SYT2: variants seen among roughly 807,000 people sequenced by gnomAD.
SYT2 encodes the protein synaptotagmin-2.
SYT2 carries 15 observed loss-of-function variants against 39.9 expected under a neutral mutation model. The ratio of observed to expected loss-of-function variants is 0.38; its 90% CI spans 0.25 to 0.58. The LOEUF (loss-of-function observed/expected upper bound fraction) is 0.58. Among genes scored for constraint, SYT2 ranks in the 20% least tolerant of loss-of-function variants. The pLI is 0.70. For synonymous variants in SYT2, 181 were observed against 204.5 expected, an observed-to-expected ratio of 0.89 and a Z score of 0.98; for missense variants, 389 against 530.3, an observed-to-expected ratio of 0.73 and a Z score of 2.62.
chr1:202,694,143 A>G (rs1382863021), intron 1 of SYT2, among the ~76,000 whole-genome samples: 1 of 152,208 alleles, frequency 6.6e-6, no homozygotes, highest in Non-Finnish European at 1.5e-5. Context: ...ACATTTCAAC[A>G]AGTGATTTGG....
chr1:202,602,380 T>G lies in SYT2; in HGVS notation c.631A>C (p.Lys211Gln), dbSNP rs1185421532. ...GTCACCCTTCCAGCCCTCAGCACCT[T>G]GAAGGTGAAGGTTTCATTGAAGGCA... ...NPAFNETFTF[K>Q]VPYQELGGKT... The change falls in exon 5 of 9, where the codon AAG becomes CAG. Residue 211 changes from lysine (K) to glutamine (Q), a missense_variant and splice_region_variant. Around this residue, in one of 4 missense-constraint regions of SYT2, gnomAD observed 280 missense variants for 335.6 expected, o/e 0.83. Coordinates refer to ENST00000367268, the MANE Select transcript of SYT2 (RefSeq NM_177402.5). 6.2e-7 allele frequency: 1 copy of G among 1,613,336 alleles called. No homozygotes were observed. Among genetic ancestry groups the G allele is most frequent in the Non-Finnish European group, 8.5e-7 (1 of 1,179,502 alleles).
intron 1 of SYT2, among the ~76,000 whole-genome samples, chr1:202,645,016 G>T (rs527775769): frequency 6.6e-6 from 1 of 152,182 alleles, no homozygotes; most frequent in Non-Finnish European, 1.5e-5. Flanking sequence ...CTCCTCCTGT[G>T]GGGGAGTGTG....
chr1:202,640,177 T>C (rs903996827), intron 1 of SYT2, among the ~76,000 whole-genome samples: 1 of 152,088 alleles, frequency 6.6e-6, no homozygotes, highest in African/African-American at 2.4e-5. Context: ...CAAGCTGACT[T>C]ATAGGACTGG....
At position 202,665,218 on chromosome 1, in the gene SYT2, A is replaced by G. The variant is rs190193524; in HGVS notation, c.-18+45040T>C. Among the ~76,000 whole-genome samples, 432 of 152,352 alleles carry G rather than the reference A, an allele frequency of 2.8e-3. 3 individuals are homozygous for G. Among genetic ancestry groups the G allele is most frequent in the African/African-American group, 0.01 (416 of 41,578 alleles). On this transcript the variant is annotated intron_variant, in intron 1 of 8. Transcript: ENST00000367268. ...TGAGGAGGAAAAGGGCAACAATGACAACAACAGAACAGTTTTTGCTGTCAC... is the reference window on the plus strand; with the variant it reads ...TGAGGAGGAAAAGGGCAACAATGACGACAACAGAACAGTTTTTGCTGTCAC...
intron 1 of SYT2, among the ~76,000 whole-genome samples, chr1:202,683,230 T>G (rs1653570288): frequency 6.6e-6 from 1 of 152,158 alleles, no homozygotes; most frequent in Non-Finnish European, 1.5e-5. Context: ...AGAAATGTGC[T>G]TCCCAAAAGG....
chr1:202,595,055 T>A lies in SYT2; in HGVS notation c.*1702A>T, dbSNP rs1572601930. ...TGCTGGGAAAGAGAGATACTCAGGC[T>A]TCTGGAGAAGCCATGAGTTTTCTGT... On this transcript the variant is annotated 3_prime_UTR_variant, in exon 9 of 9. Transcript: ENST00000367268. The A allele has an allele frequency of 6.6e-6, 1 of 152,354 alleles. No individual in the cohort carries two copies. Among genetic ancestry groups the A allele is most frequent in the East Asian group, 1.9e-4 (1 of 5,170 alleles). The allele number at this position is 152,354 out of a possible 1,614,324, so 9.4% of individuals were successfully genotyped here.
chr1:202,678,837 G>GACAC (rs1476840391), intron 1 of SYT2, among the ~76,000 whole-genome samples: 1 of 152,078 alleles, frequency 6.6e-6, no homozygotes, highest in Non-Finnish European at 1.5e-5. Flanking sequence ...TCCCAATACA[G>GACAC]ACGTGTGGCT....
intron 8 of SYT2, 69 bp from the exon 9 acceptor site, chr1:202,597,032 A>G (rs1572604497): frequency 8.0e-6 from 11 of 1,372,850 alleles, no homozygotes; most frequent in East Asian, 2.3e-5. Flanking sequence ...TTTATCCTCC[A>G]TCAACCTCTA....
intron 1 of SYT2, among the ~76,000 whole-genome samples, chr1:202,607,706 C>G (rs1690753571): frequency 6.6e-6 from 1 of 152,200 alleles, no homozygotes; most frequent in Admixed American, 6.5e-5. Flanking sequence ...GACCCCAAAA[C>G]TGGTCTTGAA....
intron 1 of SYT2, among the ~76,000 whole-genome samples, chr1:202,654,187 A>G (rs781040085): frequency 1.3e-5 from 2 of 152,246 alleles, no homozygotes; most frequent in Non-Finnish European, 2.9e-5. Flanking sequence ...TCTTTCCCCA[A>G]ACGGTCTTCA....
intron 1 of SYT2, among the ~76,000 whole-genome samples, chr1:202,686,454 A>G (rs1653668387): frequency 6.6e-6 from 1 of 152,182 alleles, no homozygotes; most frequent in Non-Finnish European, 1.5e-5. Flanking sequence ...TCTCAAGGAA[A>G]GCATTCAGCT....
At chr1:202,648,342 G>A (rs967843919) in intron 1 of SYT2, among the ~76,000 whole-genome samples, 1 of 152,050 alleles carries the variant, frequency 6.6e-6, no homozygotes, top group Admixed American at 6.6e-5. Flanking sequence ...CACCATGCCT[G>A]GCTAATTTTT....
At chr1:202,686,340 T>G (rs1244890943) in intron 1 of SYT2, among the ~76,000 whole-genome samples, 1 of 152,210 alleles carries the variant, frequency 6.6e-6, no homozygotes, top group Non-Finnish European at 1.5e-5. Flanking sequence ...AACACAACCC[T>G]GTTAACACTT....
rs1309551343 is a variant in SYT2, at chr1:202,599,284, C to T, written c.987G>A (p.Lys329=). Residue 329 remains lysine (K), a synonymous_variant, in exon 8 of 9, where the codon AAG becomes AAA. Transcript: ENST00000367268. The surrounding 1 kb of genome is among the most constrained non-coding windows in gnomAD (Gnocchi z 4.4). ...KRLKKKKTTV[K]KKTLNPYFNE... ...TGAAGTATGGGTTCAGGGTCTTCTT[C>T]TTCACGGTTGTCTTCTTCTTCTTGA... 2 of 1,610,960 alleles carry T rather than the reference C, an allele frequency of 1.2e-6. No homozygotes were observed. The highest frequency in any genetic ancestry group is 1.7e-5 in the Admixed American group (1 of 59,236).
intron 1 of SYT2, among the ~76,000 whole-genome samples, chr1:202,707,384 G>GC (rs891511002): frequency 1.3e-5 from 2 of 152,050 alleles, no homozygotes; most frequent in East Asian, 1.9e-4. Context: ...GAGTGACCCT[G>GC]CCCCCCCATT....
chr1:202,619,775 C>T (rs1382797059), intron 1 of SYT2, among the ~76,000 whole-genome samples: 1 of 152,232 alleles, frequency 6.6e-6, no homozygotes, highest in African/African-American at 2.4e-5. Flanking sequence ...GCACTGCAGA[C>T]CTGGAGGGCA....
chr1:202,605,568 AC>A lies in SYT2; in HGVS notation c.178+26del, dbSNP rs775359924. The stretch of plus-strand genomic sequence containing the variant: ...CTCTCCCAGACTCTAGCCTTGCCCC[AC>A]CCTCTCAGCCACCAGAGACACTCAC... On this transcript the variant is annotated intron_variant, in intron 2 of 8. Transcript: ENST00000367268. The A allele has an allele frequency of 2.1e-5, 33 of 1,604,192 alleles. 2 individuals are homozygous for A. The African/African-American group carries it at 2.7e-4, about 13-fold the overall frequency.
intron 1 of SYT2, among the ~76,000 whole-genome samples, chr1:202,672,779 GA>G (rs1451657268): frequency 2.0e-5 from 2 of 102,084 alleles, no homozygotes; most frequent in East Asian, 2.8e-4. Context: ...GGGAGGGAGG[GA>G]GAGAGAGAGA....
chr1:202,680,328 T>C (rs911545429), intron 1 of SYT2, among the ~76,000 whole-genome samples: 1 of 152,238 alleles, frequency 6.6e-6, no homozygotes, highest in Admixed American at 6.5e-5. Flanking sequence ...GACCTACCTA[T>C]GGAATCTTTG....
Sources: allele counts gnomAD v4.1 joint callset (sites outside exome capture counted in the v4.1 genomes callset), GRCh38; gene constraint gnomAD v4.1.1; regional missense constraint gnomAD v4.1.1; non-coding constraint Gnocchi (gnomAD v3.1); transcripts MANE v1.5; gene names NCBI Gene and HGNC (gene_info 2026-07-23, HGNC 2026-07-21).